Variants in IGF2BP3 observed in about 807,000 individuals in gnomAD.
IGF2BP3 encodes the protein insulin like growth factor 2 mRNA binding protein 3.
A neutral mutation model predicts 73.8 loss-of-function variants in IGF2BP3; 9 were observed. The observed-to-expected ratio is 0.12, with a 90% CI of 0.07 to 0.21. IGF2BP3 has a LOEUF of 0.21. Among genes scored for constraint, IGF2BP3 ranks in the 10% least tolerant of loss-of-function variants. The pLI, the probability that IGF2BP3 is intolerant of heterozygous loss-of-function variation, is 1.00. For synonymous variants in IGF2BP3, 258 were observed against 256.7 expected, an observed-to-expected ratio of 1.01 and a Z score of -0.05; for missense variants, 542 against 714.0, an observed-to-expected ratio of 0.76 and a Z score of 2.75.
chr7:23,402,907 T>G (rs946193339), intron 3 of IGF2BP3, among the ~76,000 whole-genome samples: 5 of 152,204 alleles, frequency 3.3e-5, no homozygotes, highest in Non-Finnish European at 5.9e-5. Context: ...GAAGTGGTTT[T>G]AGAAATCTGT....
intron 5 of IGF2BP3, among the ~76,000 whole-genome samples, chr7:23,356,420 A>G (rs983546470): frequency 7.2e-5 from 11 of 152,038 alleles, no homozygotes; most frequent in African/African-American, 2.7e-4. Flanking sequence ...AGCTGGGTGT[A>G]GTGGCACATG....
Position 23,470,359 on chromosome 7 carries a change from C to T in IGF2BP3, c.-249G>A, listed in dbSNP as rs1380892750. On this transcript the variant is annotated 5_prime_UTR_variant, in exon 1 of 15. In the 5' UTR this introduces an upstream ATG that the reference lacks. Transcript: ENST00000258729. ...CCTAGCTACAACCCAAACGCATCCACCAGTCTTCCTAAGTCTTAGGAGGAG... is the reference window on the plus strand; with the variant it reads ...CCTAGCTACAACCCAAACGCATCCATCAGTCTTCCTAAGTCTTAGGAGGAG... The T allele has an allele frequency of 6.7e-6, 2 of 297,456 alleles. No homozygotes were observed. Among genetic ancestry groups the T allele is most frequent in the Non-Finnish European group, 1.2e-5 (2 of 162,034 alleles). The allele number at this position is 297,456 out of a possible 1,614,324, so 18.4% of individuals were successfully genotyped here.
At chr7:23,347,571 T>A (rs1304359686) in intron 7 of IGF2BP3, 29 bp downstream of exon 7, 1 of 1,601,734 alleles carries the variant, frequency 6.2e-7, no homozygotes, top group Non-Finnish European at 8.5e-7. Context: ...AATATCAACC[T>A]CTTTCACAGG....
At chr7:23,375,878 C>T (rs932094565) in intron 3 of IGF2BP3, among the ~76,000 whole-genome samples, 1 of 152,146 alleles carries the variant, frequency 6.6e-6, no homozygotes, top group African/African-American at 2.4e-5. Context: ...TTCAGGTGTG[C>T]AGCAGTTATC....
intron 10 of IGF2BP3, among the ~76,000 whole-genome samples, chr7:23,322,685 C>T (rs1276109785): frequency 6.6e-6 from 1 of 152,104 alleles, no homozygotes; most frequent in Non-Finnish European, 1.5e-5. Flanking sequence ...GGTCGGGTTA[C>T]CCACAAAGGG....
intron 10 of IGF2BP3, among the ~76,000 whole-genome samples, chr7:23,333,881 T>G (rs192025490): frequency 5.3e-5 from 8 of 152,316 alleles, no homozygotes; most frequent in East Asian, 3.9e-4. Flanking sequence ...TCCAATTCCC[T>G]TTGCTCCAAT....
At position 23,424,188 on chromosome 7, in the gene IGF2BP3, T is replaced by C. The variant is rs374517585; in HGVS notation, c.237-5364A>G. ...AGAGGGGAAATACGGTAAATTTTAG[T>C]TCTCAGGCTAATAGATTAAAAATTT... is the stretch of plus-strand genomic sequence containing the variant. On this transcript the variant is annotated intron_variant, in intron 2 of 14. Transcript: ENST00000258729. 4.0e-5 allele frequency among the ~76,000 whole-genome samples: 6 copies of C among 151,298 alleles called. No individual in the cohort carries two copies. In the East Asian group the frequency reaches 1.2e-3, roughly 30 times the overall value.
At chr7:23,463,894 T>C (rs374968656) in intron 2 of IGF2BP3, among the ~76,000 whole-genome samples, 8 of 152,348 alleles carry the variant, frequency 5.3e-5, no homozygotes, top group African/African-American at 1.9e-4. Flanking sequence ...ACGCTGATCT[T>C]AAACTGAGCA....
chr7:23,398,380 C>T (rs983521292), intron 3 of IGF2BP3, among the ~76,000 whole-genome samples: 1 of 152,160 alleles, frequency 6.6e-6, no homozygotes, highest in Non-Finnish European at 1.5e-5. Context: ...CATATGTGTG[C>T]ATGTGTCTTT....
intron 3 of IGF2BP3, among the ~76,000 whole-genome samples, chr7:23,373,287 G>C (rs1444958940): frequency 6.6e-6 from 1 of 152,164 alleles, no homozygotes; most frequent in East Asian, 1.9e-4. Flanking sequence ...TTCAATGTTA[G>C]GTGGTTTTTG....
chr7:23,391,064 GCTGGGATTACAGGCGTGAACCATCGCGC>G (rs1786259108), intron 3 of IGF2BP3, among the ~76,000 whole-genome samples: 1 of 147,688 alleles, frequency 6.8e-6, no homozygotes, highest in Non-Finnish European at 1.5e-5. Context: ...CTCCCAAAGT[GCTGGGATTACAGGCGTGAACCATCGCGC>G]CTGGCTTTTT....
At chr7:23,406,081 AAG>A (rs981749487) in intron 3 of IGF2BP3, among the ~76,000 whole-genome samples, 2 of 151,498 alleles carry the variant, frequency 1.3e-5, no homozygotes, top group Non-Finnish European at 2.9e-5. Context: ...AAAAAAAAAA[AAG>A]AAAGAAAAAT....
chr7:23,363,395 G>A (rs1418017866), intron 3 of IGF2BP3, among the ~76,000 whole-genome samples: 1 of 151,874 alleles, frequency 6.6e-6, no homozygotes, highest in Admixed American at 6.6e-5. Context: ...ACAGGTGCAT[G>A]CCACCACACC....
At chr7:23,361,645 C>T in intron 4 of IGF2BP3, 45 bp downstream of exon 4, 1 of 1,612,994 alleles carries the variant, frequency 6.2e-7, no homozygotes, top group Non-Finnish European at 8.5e-7. Flanking sequence ...TTTCTTTCTA[C>T]TTCCTTCCTT....
chr7:23,449,372 C>T (rs1035763734), intron 2 of IGF2BP3, among the ~76,000 whole-genome samples: 1 of 151,770 alleles, frequency 6.6e-6, no homozygotes, highest in Middle Eastern at 3.4e-3. Context: ...AAAAAATTAG[C>T]CGGGTGTGGT....
intron 2 of IGF2BP3, among the ~76,000 whole-genome samples, chr7:23,465,523 T>TCC (rs34021878): frequency 0.16 from 23,980 of 150,824 alleles, 2,089 homozygotes; most frequent in South Asian, 0.26. Flanking sequence ...CCTGAAAGGG[T>TCC]CCCCCCCCAA....
At chr7:23,413,739 G>C (rs1450959916) in intron 3 of IGF2BP3, 1 of 152,120 alleles carries the variant, frequency 6.6e-6, no homozygotes, top group East Asian at 1.9e-4. Flanking sequence ...AATCCTTCCA[G>C]TCTGGTCACA....
chr7:23,425,698 T>C (rs1013622942), intron 2 of IGF2BP3, among the ~76,000 whole-genome samples: 3 of 152,162 alleles, frequency 2.0e-5, no homozygotes, highest in Non-Finnish European at 2.9e-5. Flanking sequence ...TAGAAGATAA[T>C]TGAAGATAAT....
chr7:23,389,767 G>T (rs1205665719), intron 3 of IGF2BP3, among the ~76,000 whole-genome samples: 2 of 150,946 alleles, frequency 1.3e-5, no homozygotes, highest in Non-Finnish European at 2.9e-5. Context: ...ACCAAGTCAG[G>T]AGGATCCCTT....
Sources: gnomAD v4.1 joint callset for allele counts (sites outside exome capture counted in the v4.1 genomes callset) on GRCh38, gnomAD v4.1.1 for gene constraint, MANE v1.5 for transcripts, NCBI Gene and HGNC (gene_info 2026-07-23, HGNC 2026-07-21) for gene names.